Variants in MAGI2 observed in about 807,000 individuals in gnomAD.
MAGI2 encodes membrane-associated guanylate kinase, WW and PDZ domain-containing protein 2.
In MAGI2, 35 loss-of-function variants were observed where a neutral mutation model predicts 133.3. That is an observed-to-expected ratio of 0.26 (90% CI 0.20 to 0.35). MAGI2 has a LOEUF of 0.35. MAGI2 is among the 10% of genes least tolerant of loss of function. MAGI2 has a pLI of 1.00. For synonymous variants in MAGI2, 729 were observed against 710.6 expected (o/e 1.03, Z -0.41); for missense variants, 1,636 against 1,863.4 (o/e 0.88, Z 2.25).
chr7:79,019,045 A>C (rs534306263), intron 1 of MAGI2, among the ~76,000 whole-genome samples: 4 of 152,336 alleles, frequency 2.6e-5, no homozygotes, highest in African/African-American at 9.6e-5. Context: ...AATGGACCTA[A>C]TAGACATCTA....
chr7:78,720,269 T>C (rs971410317), intron 2 of MAGI2, among the ~76,000 whole-genome samples: 1 of 152,148 alleles, frequency 6.6e-6, no homozygotes, highest in African/African-American at 2.4e-5. Flanking sequence ...TAAATAGTAA[T>C]AGCTAACACT....
intron 21 of MAGI2, among the ~76,000 whole-genome samples, chr7:78,022,545 A>G (rs1808500685): frequency 6.6e-6 from 1 of 152,224 alleles, no homozygotes; most frequent in Non-Finnish European, 1.5e-5. Context: ...TTTACTTAGA[A>G]ACTGTCCCAA....
intron 2 of MAGI2, among the ~76,000 whole-genome samples, chr7:78,831,821 T>C (rs1006462136): frequency 4.1e-4 from 62 of 152,302 alleles, no homozygotes; most frequent in African/African-American, 1.4e-3. Context: ...TTGTTCTAAT[T>C]GATAGAATGA....
chr7:78,874,302 C>T (rs1428913850), intron 2 of MAGI2, among the ~76,000 whole-genome samples: 18 of 151,830 alleles, frequency 1.2e-4, no homozygotes, highest in Non-Finnish European at 2.6e-4. Context: ...ATTAAGACAA[C>T]AATAATTTAA....
intron 1 of MAGI2, among the ~76,000 whole-genome samples, chr7:79,048,873 A>G (rs1812417676): frequency 6.6e-6 from 1 of 152,218 alleles, no homozygotes; most frequent in Admixed American, 6.5e-5. Context: ...CTGTAATCCC[A>G]GCTACTTGGA....
chr7:78,396,407 C>G lies in MAGI2; in HGVS notation c.1046-27194G>C, dbSNP rs183008307. Among the ~76,000 whole-genome samples the G allele has an allele frequency of 1.6e-3, 244 of 152,220 alleles. 1 individual carries two copies. The highest frequency in any genetic ancestry group is 2.5e-3 in the Non-Finnish European group (170 of 68,020). ...TTTCCTTTGTGTTCTCTGAATGTGT[C>G]AAGTCCAGTCCATTTTTAGGGCTTT... On this transcript the variant is annotated intron_variant, in intron 6 of 21. Coordinates refer to ENST00000354212, the MANE Select transcript of MAGI2 (RefSeq NM_012301.4).
chr7:78,904,219 G>T (rs1297393834), intron 2 of MAGI2: 1 of 152,164 alleles, frequency 6.6e-6, no homozygotes, highest in African/African-American at 2.4e-5. Context: ...AAGGATGCTA[G>T]AAGACGTGTA....
chr7:78,653,766 GAAGT>G (rs1302156509), intron 2 of MAGI2, among the ~76,000 whole-genome samples: 1 of 92,572 alleles, frequency 1.1e-5, no homozygotes. Flanking sequence ...CTCAGAACTT[GAAGT>G]ATGATAAAAA....
chr7:78,495,847 C>T, intron 5 of MAGI2, among the ~76,000 whole-genome samples: 1 of 151,888 alleles, frequency 6.6e-6, no homozygotes, highest in East Asian at 1.9e-4. Context: ...TATTTTCTGT[C>T]TGGAAATTAC....
At chr7:78,902,659 A>G (rs933749048) in intron 2 of MAGI2, 6 of 152,140 alleles carry the variant, frequency 3.9e-5, no homozygotes, top group African/African-American at 1.2e-4. Flanking sequence ...AATCAATAGA[A>G]CTTTTCAGTG....
chr7:79,356,435 C>T (rs966265284), intron 1 of MAGI2, among the ~76,000 whole-genome samples: 2 of 152,040 alleles, frequency 1.3e-5, no homozygotes, highest in African/African-American at 4.8e-5. Flanking sequence ...AAAATTTAAA[C>T]ATTAATGAAG....
intron 2 of MAGI2, among the ~76,000 whole-genome samples, chr7:78,785,765 T>C (rs1826766657): frequency 6.6e-6 from 1 of 152,248 alleles, no homozygotes; most frequent in East Asian, 1.9e-4. Context: ...ATATTCTTTA[T>C]GATCTCTTTT....
At chr7:78,880,350 G>A (rs931033188) in intron 2 of MAGI2, among the ~76,000 whole-genome samples, 4 of 152,128 alleles carry the variant, frequency 2.6e-5, no homozygotes, top group Admixed American at 2.6e-4. Flanking sequence ...TGAACAAAGG[G>A]TACACCATCA....
intron 15 of MAGI2, among the ~76,000 whole-genome samples, chr7:78,166,464 A>T (rs1462863037): frequency 6.6e-6 from 1 of 152,178 alleles, no homozygotes; most frequent in Admixed American, 6.5e-5. Context: ...AAGATGCTTT[A>T]CTTCTTTGGG....
chr7:78,680,816 T>G (rs945474072), intron 2 of MAGI2, among the ~76,000 whole-genome samples: 1 of 152,122 alleles, frequency 6.6e-6, no homozygotes. Flanking sequence ...ATATAGTCTT[T>G]CAGATACTTG....
chr7:78,862,343 C>T lies in MAGI2; in HGVS notation c.418+144747G>A, dbSNP rs115612414. Among the ~76,000 whole-genome samples the T allele has an allele frequency of 2.5e-3, 373 of 152,200 alleles. 3 individuals carry two copies. The highest frequency in any genetic ancestry group is 8.3e-3 in the African/African-American group (344 of 41,526). On this transcript the variant is annotated intron_variant, in intron 2 of 21. Transcript: ENST00000354212. ...TCCTGGTCCTGACTAAAGACATGTG[C>T]GAATAAAAATGAAAACGTATATGGG...
intron 2 of MAGI2, among the ~76,000 whole-genome samples, chr7:78,947,585 A>C (rs1032987051): frequency 1.3e-5 from 2 of 152,092 alleles, no homozygotes; most frequent in Non-Finnish European, 2.9e-5. Context: ...CTATAGGCTG[A>C]ATTTAGAAAT....
At chr7:79,151,759 T>C (rs6957950) in intron 1 of MAGI2, among the ~76,000 whole-genome samples, 119,422 of 152,064 alleles carry the variant, frequency 0.79, 47,684 homozygotes, top group Non-Finnish European at 0.87. Context: ...GAACAAGGTG[T>C]TTGTGGAGAG....
chr7:78,231,447 T>G (rs1385015277), intron 10 of MAGI2, among the ~76,000 whole-genome samples: 1 of 152,056 alleles, frequency 6.6e-6, no homozygotes, highest in African/African-American at 2.4e-5. Context: ...GTACAACAAT[T>G]GATGATAAAC....
Sources: allele counts gnomAD v4.1 joint callset (sites outside exome capture counted in the v4.1 genomes callset), GRCh38; gene constraint gnomAD v4.1.1; transcripts MANE v1.5; gene names NCBI Gene and HGNC (gene_info 2026-07-23, HGNC 2026-07-21).